The following ATP11B variants were observed in gnomAD, a reference collection of about 807,000 sequenced individuals.
ATP11B encodes ATPase phospholipid transporting 11B (putative), also known as phospholipid-transporting ATPase IF.
Under a neutral mutation model 157.8 loss-of-function variants are expected in ATP11B, and 81 were observed. That is an observed-to-expected ratio of 0.51 (90% CI 0.43 to 0.62). The LOEUF (loss-of-function observed/expected upper bound fraction) is 0.62. Ranked by LOEUF, ATP11B falls within the 20% of genes least tolerant of loss-of-function variation. The pLI, the probability that ATP11B is intolerant of heterozygous loss-of-function variation, is 0.00. For synonymous variants in ATP11B, 451 were observed against 469.4 expected (o/e 0.96, Z 0.51); for missense variants, 1,165 against 1,402.2 (o/e 0.83, Z 2.70).
At chr3:182,878,727 C>G (rs1722219584) in intron 19 of ATP11B, among the ~76,000 whole-genome samples, 1 of 152,162 alleles carries the variant, frequency 6.6e-6, no homozygotes, top group Non-Finnish European at 1.5e-5. Context: ...CATCGGTTTC[C>G]TATTGCAAGA....
At position 182,845,487 on chromosome 3, in the gene ATP11B, G is replaced by A. The variant is rs772241980; in HGVS notation, c.734G>A (p.Arg245His). 8.8e-6 allele frequency: 14 copies of A among 1,596,834 alleles called. No homozygotes were observed. The highest frequency in any genetic ancestry group is 5.7e-5 in the South Asian group (5 of 87,106). ...CTGGGGCCGGAGAGTCTCCTGCTTC[G>A]TGGAGCCAGATTAAAAAACACAAAA... is the stretch of plus-strand genomic sequence containing the variant. ...RPLGPESLLL[R>H]GARLKNTKEI... Residue 245 changes from arginine to histidine, a missense_variant, in exon 9 of 30, where the codon CGT becomes CAT. Transcript: ENST00000323116.
intron 4 of ATP11B, chr3:182,833,882 T>A (rs1028321073): frequency 6.6e-6 from 1 of 152,230 alleles, no homozygotes; most frequent in Non-Finnish European, 1.5e-5. Context: ...ATTGTAAGTC[T>A]AACTAATGTT....
At chr3:182,843,293 A>C (rs1719196086) in intron 8 of ATP11B, among the ~76,000 whole-genome samples, 1 of 152,224 alleles carries the variant, frequency 6.6e-6, no homozygotes, top group Non-Finnish European at 1.5e-5. Flanking sequence ...TATCAGAATA[A>C]TTTAGTAAGA....
intron 1 of ATP11B, among the ~76,000 whole-genome samples, chr3:182,802,374 G>C (rs1175266854): frequency 6.6e-6 from 1 of 152,034 alleles, no homozygotes; most frequent in Non-Finnish European, 1.5e-5. Context: ...TTTTCCAAGT[G>C]CTTGCTCTTT....
At chr3:182,799,597 A>C (rs1715855099) in intron 1 of ATP11B, among the ~76,000 whole-genome samples, 1 of 152,124 alleles carries the variant, frequency 6.6e-6, no homozygotes, top group Non-Finnish European at 1.5e-5. Context: ...ATTCTAAGCA[A>C]GATAATATTC....
intron 22 of ATP11B, 86 bp downstream of exon 22, chr3:182,884,984 T>C (rs549714832): frequency 6.6e-6 from 5 of 757,888 alleles, no homozygotes; most frequent in Non-Finnish European, 9.7e-6. Context: ...TACATTTCTC[T>C]TTAAAATAGT....
intron 8 of ATP11B, chr3:182,844,617 C>T (rs182939339): frequency 7.7e-6 from 7 of 911,168 alleles, no homozygotes; most frequent in East Asian, 2.4e-4. Context: ...TTATACTGTG[C>T]GATCTTGCCT....
intron 11 of ATP11B, among the ~76,000 whole-genome samples, chr3:182,858,292 A>G (rs538605221): frequency 6.6e-6 from 1 of 152,142 alleles, no homozygotes; most frequent in African/African-American, 2.4e-5. Context: ...ATCCATCTAT[A>G]TTTGCATTTC....
Position 182,897,342 on chromosome 3 carries a change from C to A in ATP11B, c.3088C>A (p.Leu1030Ile). ...ETHFWTWINHLVTWGSIIFYF... is the reference protein window; with the variant it reads ...ETHFWTWINHIVTWGSIIFYF... ...TCATTTTTGGACTTGGATCAACCATCTCGTTACCTGGGGATCTATTATATT... is the reference window on the plus strand; with the variant it reads ...TCATTTTTGGACTTGGATCAACCATATCGTTACCTGGGGATCTATTATATT... Residue 1030 changes from leucine to isoleucine, a missense_variant, in exon 27 of 30, where the codon CTC becomes ATC. Transcript: ENST00000323116. The A allele has an allele frequency of 6.3e-7, 1 of 1,588,124 alleles. No homozygotes were observed. The highest frequency in any genetic ancestry group is 1.2e-5 in the South Asian group (1 of 84,966).
chr3:182,831,842 C>T (rs992561655), intron 4 of ATP11B, among the ~76,000 whole-genome samples: 2 of 151,746 alleles, frequency 1.3e-5, no homozygotes, highest in African/African-American at 2.4e-5. Flanking sequence ...TTAGTTTATC[C>T]GTCACTTTCA....
Position 182,800,292 on chromosome 3 carries a change from G to A in ATP11B, c.27+6506G>A, listed in dbSNP as rs555490382. 6.6e-5 allele frequency among the ~76,000 whole-genome samples: 10 copies of A among 151,668 alleles called. No homozygotes were observed. In the East Asian group the frequency reaches 1.9e-3, roughly 29 times the overall value. On this transcript the variant is annotated intron_variant, in intron 1 of 29. Coordinates refer to ENST00000323116, the MANE Select transcript of ATP11B (RefSeq NM_014616.3). ...GCTGTACTGCAGTGATGTGATCACA[G>A]CTCACTGCAACCCCAAACTCCTGGG...
At chr3:182,819,436 T>C (rs1717186655) in intron 1 of ATP11B, among the ~76,000 whole-genome samples, 1 of 152,190 alleles carries the variant, frequency 6.6e-6, no homozygotes, top group Non-Finnish European at 1.5e-5. Context: ...GAAGGTTCAC[T>C]TGCAACTGTG....
At chr3:182,917,757 C>T in intron 29 of ATP11B, 1 of 984,516 alleles carries the variant, frequency 1.0e-6, no homozygotes, top group Non-Finnish European at 1.2e-6. Context: ...TCATGCTTTA[C>T]TACATATAGA....
chr3:182,801,667 T>G (rs1437971543), intron 1 of ATP11B, among the ~76,000 whole-genome samples: 1 of 152,210 alleles, frequency 6.6e-6, no homozygotes, highest in Non-Finnish European at 1.5e-5. Flanking sequence ...AGACATTATA[T>G]AATTTTACCC....
At chr3:182,880,827 T>C (rs1282985025) in intron 20 of ATP11B, 52 bp from the exon 21 acceptor site, 2 of 1,149,442 alleles carry the variant, frequency 1.7e-6, no homozygotes. Flanking sequence ...ACTATATGAA[T>C]GCAAGAAAAT....
At chr3:182,865,870 C>T (rs189812046) in intron 13 of ATP11B, among the ~76,000 whole-genome samples, 172 bp downstream of exon 13, 2 of 152,190 alleles carry the variant, frequency 1.3e-5, no homozygotes, top group South Asian at 2.1e-4. Context: ...GTTGTTACAG[C>T]CCAGTTTAAC....
intron 28 of ATP11B, among the ~76,000 whole-genome samples, 168 bp from the exon 29 acceptor site, chr3:182,913,693 G>A (rs988044756): frequency 6.6e-6 from 1 of 152,106 alleles, no homozygotes; most frequent in African/African-American, 2.4e-5. Flanking sequence ...AATTTTGGAT[G>A]GTTATACTCT....
chr3:182,917,957 T>C, intron 29 of ATP11B, 66 bp from the exon 30 acceptor site: 4 of 1,586,774 alleles, frequency 2.5e-6, no homozygotes, highest in Non-Finnish European at 3.4e-6. Flanking sequence ...AGTTTTAGAG[T>C]AAATTTTTTT....
At chr3:182,856,618 A>T (rs1720425183) in intron 10 of ATP11B, among the ~76,000 whole-genome samples, 1 of 152,216 alleles carries the variant, frequency 6.6e-6, no homozygotes, top group South Asian at 2.1e-4. Context: ...CATGTATAAA[A>T]ATGCGAGCAG....
Sources: allele counts gnomAD v4.1 joint callset (sites outside exome capture counted in the v4.1 genomes callset), GRCh38; gene constraint gnomAD v4.1.1; transcripts MANE v1.5; gene names NCBI Gene and HGNC (gene_info 2026-07-23, HGNC 2026-07-21).